GIGYF2: variants seen among roughly 807,000 people sequenced by gnomAD.
The protein encoded by GIGYF2 is GRB10 interacting GYF protein 2.
Under a neutral mutation model 208.1 loss-of-function variants are expected in GIGYF2, and 25 were observed. That is an observed-to-expected ratio of 0.12 (90% CI 0.09 to 0.17). The LOEUF (loss-of-function observed/expected upper bound fraction) is 0.17. Ranked by LOEUF, GIGYF2 falls within the 10% of genes least tolerant of loss-of-function variation. The pLI is 1.00. For synonymous variants in GIGYF2, 534 were observed against 543.8 expected (o/e 0.98, Z 0.25); for missense variants, 1,302 against 1,579.4 (o/e 0.82, Z 2.98).
At chr2:232,737,588 G>T (rs1044906844) in intron 3 of GIGYF2, among the ~76,000 whole-genome samples, 10 of 152,150 alleles carry the variant, frequency 6.6e-5, no homozygotes, top group Non-Finnish European at 1.0e-4. Flanking sequence ...GTTGCAGTAG[G>T]AGTAGAGAGT....
intron 8 of GIGYF2, chr2:232,776,484 C>T (rs1249951914): frequency 1.3e-6 from 2 of 1,534,782 alleles, no homozygotes. Context: ...CAAGGTAGGT[C>T]TTAAGGAAAT....
At chr2:232,849,021 A>G (rs2106430339) in intron 27 of GIGYF2, among the ~76,000 whole-genome samples, 1 of 152,310 alleles carries the variant, frequency 6.6e-6, no homozygotes, top group East Asian at 1.9e-4. Flanking sequence ...TATTCTAGAG[A>G]TAATCAGTAT....
intron 14 of GIGYF2, among the ~76,000 whole-genome samples, chr2:232,799,167 T>G (rs1700314363): frequency 6.6e-6 from 1 of 152,132 alleles, no homozygotes; most frequent in South Asian, 2.1e-4. Context: ...AATATTCCCC[T>G]GTAGGTGTAT....
intron 2 of GIGYF2, among the ~76,000 whole-genome samples, chr2:232,711,709 A>ATATATATATATATATATATATATATATC (rs1696417089): frequency 7.4e-6 from 1 of 135,678 alleles, no homozygotes; most frequent in African/African-American, 3.3e-5. Context: ...AATGATGTAT[A>ATATATATATATATATATATATATATATC]TATATATATA....
Position 232,756,168 on chromosome 2 carries a change from A to AT in GIGYF2, c.268-48dup, listed in dbSNP as rs891986630. 5 of 984,244 alleles carry AT rather than the reference A, an allele frequency of 5.1e-6. No individual in the cohort carries two copies. In the African/African-American group the frequency reaches 5.9e-5, roughly 12 times the overall value. The allele number at this position is 984,244 out of a possible 1,614,324, so 61.0% of individuals were successfully genotyped here. On this transcript the variant is annotated intron_variant, in intron 5 of 28. Coordinates refer to ENST00000373563, the MANE Select transcript of GIGYF2 (RefSeq NM_001103146.3). The stretch of plus-strand genomic sequence containing the variant: ...ACATGTAGTTTTATCTGTTTCATCC[A>AT]TTTTTTTCTTTCTTTTTTTCCTTTT...
intron 2 of GIGYF2, among the ~76,000 whole-genome samples, chr2:232,716,813 GT>G (rs59891083): frequency 0.018 from 2,715 of 149,182 alleles, 85 homozygotes; most frequent in African/African-American, 0.063. Context: ...GCTCACTGAA[GT>G]TTTTTTTTTG....
At chr2:232,778,297 T>G (rs1351841926) in intron 8 of GIGYF2, among the ~76,000 whole-genome samples, 1 of 152,228 alleles carries the variant, frequency 6.6e-6, no homozygotes, top group African/African-American at 2.4e-5. Flanking sequence ...AAAGTCTTTT[T>G]CCATAGTATA....
intron 8 of GIGYF2, among the ~76,000 whole-genome samples, chr2:232,773,470 A>ATT (rs200718448): frequency 2.0e-5 from 3 of 148,878 alleles, no homozygotes; most frequent in African/African-American, 7.4e-5. Context: ...AAGCCAGTTA[A>ATT]TTTTTTTTTT....
chr2:232,769,750 C>A (rs187832024), intron 8 of GIGYF2, among the ~76,000 whole-genome samples: 1 of 151,808 alleles, frequency 6.6e-6, no homozygotes, highest in East Asian at 1.9e-4. Flanking sequence ...AAGTACTTAC[C>A]AGAATTATGT....
At chr2:232,777,075 A>C (rs1699545892) in intron 8 of GIGYF2, among the ~76,000 whole-genome samples, 1 of 152,034 alleles carries the variant, frequency 6.6e-6, no homozygotes, top group Non-Finnish European at 1.5e-5. Flanking sequence ...AATATAGATA[A>C]TTACGTGAAA....
At chr2:232,827,306 T>C (rs1701282563) in intron 21 of GIGYF2, among the ~76,000 whole-genome samples, 1 of 152,300 alleles carries the variant, frequency 6.6e-6, no homozygotes, top group Admixed American at 6.5e-5. Context: ...CGACTTGCTT[T>C]ATTGCGATCT....
intron 18 of GIGYF2, among the ~76,000 whole-genome samples, chr2:232,813,491 G>A (rs1351479370): frequency 6.6e-6 from 1 of 152,150 alleles, no homozygotes; most frequent in East Asian, 1.9e-4. Flanking sequence ...ACAGGTGTGA[G>A]CCACTGCGCC....
intron 1 of GIGYF2, among the ~76,000 whole-genome samples, chr2:232,702,009 T>A (rs908332112): frequency 6.6e-6 from 1 of 151,812 alleles, no homozygotes; most frequent in African/African-American, 2.4e-5. Flanking sequence ...AAAAGATTTT[T>A]AAAAAATTAG....
chr2:232,810,867 T>A (rs7598523), intron 16 of GIGYF2: 4,950 of 250,374 alleles, frequency 0.02, 259 homozygotes, highest in African/African-American at 0.11. Context: ...CGTCATATGG[T>A]TAAAGCTACT....
chr2:232,732,242 G>A (rs1697534012), intron 2 of GIGYF2, among the ~76,000 whole-genome samples: 1 of 152,208 alleles, frequency 6.6e-6, no homozygotes, highest in African/African-American at 2.4e-5. Context: ...CTTCAGGGCT[G>A]CTGCATGTGG....
rs530770133 is a variant in GIGYF2, at chr2:232,702,037, C to T, written c.-109-1387C>T. 3.9e-5 allele frequency among the ~76,000 whole-genome samples: 6 copies of T among 152,116 alleles called. No individual in the cohort carries two copies. The East Asian group carries it at 7.7e-4, about 20-fold the overall frequency. On this transcript the variant is annotated intron_variant, in intron 1 of 28. Coordinates refer to ENST00000373563, the MANE Select transcript of GIGYF2 (RefSeq NM_001103146.3). ...AAAATTAGCTGAGTATGGTGGTGCACGCCTGTAGTCACAGCTACTCAGGAG... is the reference window on the plus strand; with the variant it reads ...AAAATTAGCTGAGTATGGTGGTGCATGCCTGTAGTCACAGCTACTCAGGAG...
intron 22 of GIGYF2, among the ~76,000 whole-genome samples, chr2:232,837,338 A>G (rs1701670018): frequency 6.6e-6 from 1 of 152,264 alleles, no homozygotes; most frequent in African/African-American, 2.4e-5. Flanking sequence ...GGAGGAGAGA[A>G]GGAGAGTAGG....
At chr2:232,776,877 C>T (rs1699536425) in intron 8 of GIGYF2, 1 of 160,606 alleles carries the variant, frequency 6.2e-6, no homozygotes, top group African/African-American at 2.4e-5. Flanking sequence ...CAAGATTTTT[C>T]AGCCGTCTTT....
chr2:232,852,115 C>T (rs966647896), intron 28 of GIGYF2, among the ~76,000 whole-genome samples: 2 of 152,292 alleles, frequency 1.3e-5, no homozygotes, highest in Admixed American at 6.5e-5. Context: ...TCATGAAGAG[C>T]GTGAGACCCC....
Sources: gnomAD v4.1 joint callset for allele counts (sites outside exome capture counted in the v4.1 genomes callset) on GRCh38, gnomAD v4.1.1 for gene constraint, MANE v1.5 for transcripts, NCBI Gene and HGNC (gene_info 2026-07-23, HGNC 2026-07-21) for gene names.